Variants in STARD13 observed in about 807,000 individuals in gnomAD.
STARD13 encodes the protein stAR-related lipid transfer protein 13.
A neutral mutation model predicts 106.4 loss-of-function variants in STARD13; 62 were observed. That is an observed-to-expected ratio of 0.58 (90% confidence interval 0.48 to 0.72). The LOEUF (loss-of-function observed/expected upper bound fraction) is 0.72, where lower values mean the gene tolerates loss of function less well. STARD13 is among the 30% of genes least tolerant of loss of function. STARD13 has a pLI of 0.00. For missense variants in STARD13, 1,387 were observed against 1,424.0 expected, an observed-to-expected ratio of 0.97 and a Z score of 0.42; for synonymous variants, 565 against 553.0, an observed-to-expected ratio of 1.02 and a Z score of -0.31.
chr13:33,358,526 A>G, the STARD13 span, among the ~76,000 whole-genome samples: 1 of 152,004 alleles, frequency 6.6e-6, no homozygotes, highest in African/African-American at 2.4e-5. Flanking sequence ...GTTTAGCTCA[A>G]GGTTTGTGAG....
At chr13:33,411,489 C>T in the STARD13 span, among the ~76,000 whole-genome samples, 1 of 151,950 alleles carries the variant, frequency 6.6e-6, no homozygotes, top group Non-Finnish European at 1.5e-5. Context: ...TCCAGGCAGG[C>T]TGCTCTGTGG....
At chr13:33,478,566 A>G in the STARD13 span, among the ~76,000 whole-genome samples, 5 of 152,098 alleles carry the variant, frequency 3.3e-5, no homozygotes, top group East Asian at 5.8e-4. Flanking sequence ...AATGTGTCCA[A>G]TGTTATCTAA....
the STARD13 span, among the ~76,000 whole-genome samples, chr13:33,600,919 T>A: frequency 6.6e-6 from 1 of 152,310 alleles, no homozygotes; most frequent in South Asian, 2.1e-4. Flanking sequence ...TTCTCCTACG[T>A]ACTATGGTAT....
At chr13:33,620,286 C>CT in the STARD13 span, among the ~76,000 whole-genome samples, 10,798 of 142,710 alleles carry the variant, frequency 0.076, 530 homozygotes, top group African/African-American at 0.14. Context: ...TTTCTTTTTT[C>CT]TTTTTTTTTT....
chr13:33,289,755 G>A (rs1412933330), upstream of STARD13, among the ~76,000 whole-genome samples: 1 of 152,128 alleles, frequency 6.6e-6, no homozygotes, highest in Non-Finnish European at 1.5e-5. Flanking sequence ...GTGTCTTCAA[G>A]TAAGAAGTAC....
At chr13:33,557,609 C>T in the STARD13 span, among the ~76,000 whole-genome samples, 1 of 152,122 alleles carries the variant, frequency 6.6e-6, no homozygotes, top group African/African-American at 2.4e-5. Context: ...AGTACTATCA[C>T]TGTATGTGTT....
chr13:33,106,831 C>G lies in STARD13; in HGVS notation c.3151G>C (p.Asp1051His). The change falls in exon 13 of 14, where the codon GAC becomes CAC. Residue 1051 changes from aspartate to histidine, a missense_variant. Asp to His is a moderately conservative substitution (Grantham distance 81, BLOSUM62 -1). Coordinates refer to ENST00000336934, the MANE Select transcript of STARD13 (RefSeq NM_178006.4). ...LLGGVRAVVMDSQYLIEPCGS... is the reference protein window; with the variant it reads ...LLGGVRAVVMHSQYLIEPCGS... ...CACGGTTCTATCAAGTACTGCGAGT[C>G]CATCACCACTGCTCGCACACCACCC... 1 of 1,614,160 alleles carries G rather than the reference C, an allele frequency of 6.2e-7. No homozygotes were observed. The highest frequency in any genetic ancestry group is 8.5e-7 in the Non-Finnish European group (1 of 1,180,006).
chr13:33,526,742 A>T, the STARD13 span, among the ~76,000 whole-genome samples: 1 of 152,078 alleles, frequency 6.6e-6, no homozygotes, highest in Non-Finnish European at 1.5e-5. Context: ...AGGAGTTTAT[A>T]AGGGTAAAGC....
At chr13:33,542,664 G>A in the STARD13 span, among the ~76,000 whole-genome samples, 1 of 152,210 alleles carries the variant, frequency 6.6e-6, no homozygotes, top group Non-Finnish European at 1.5e-5. Flanking sequence ...GTTCGGTTCC[G>A]GTTCTGGCCC....
At chr13:33,560,414 G>A in the STARD13 span, among the ~76,000 whole-genome samples, 1 of 151,396 alleles carries the variant, frequency 6.6e-6, no homozygotes, top group Non-Finnish European at 1.5e-5. Flanking sequence ...AAAAGGATTA[G>A]TCTTCAAAAT....
At chr13:33,341,505 G>A (rs2077959980) in intron 1 of STARD13, among the ~76,000 whole-genome samples, 1 of 151,626 alleles carries the variant, frequency 6.6e-6, no homozygotes, top group South Asian at 2.1e-4. Flanking sequence ...CGGGTGTGGT[G>A]GCTTCAACTC....
the STARD13 span, among the ~76,000 whole-genome samples, chr13:33,635,095 T>G: frequency 4.9e-4 from 74 of 152,336 alleles, no homozygotes; most frequent in Middle Eastern, 3.4e-3. Flanking sequence ...ATGGATCGCT[T>G]ACGAAGTAAA....
the STARD13 span, among the ~76,000 whole-genome samples, chr13:33,647,145 T>A: frequency 5.3e-5 from 8 of 152,224 alleles, no homozygotes; most frequent in Admixed American, 3.3e-4. Flanking sequence ...ATGTCTACAG[T>A]TTAAAAGGGC....
the STARD13 span, among the ~76,000 whole-genome samples, chr13:33,671,832 C>A: frequency 6.6e-6 from 1 of 152,084 alleles, no homozygotes; most frequent in Admixed American, 6.6e-5. Flanking sequence ...CAATTATAGT[C>A]ACAATTATAG....
chr13:33,126,413 C>T (rs1877180845), intron 6 of STARD13, among the ~76,000 whole-genome samples, 173 bp from the exon 7 acceptor site: 1 of 152,200 alleles, frequency 6.6e-6, no homozygotes, highest in Non-Finnish European at 1.5e-5. Flanking sequence ...CTGTGTGGCC[C>T]TTGCCTGCTT....
the STARD13 span, among the ~76,000 whole-genome samples, chr13:33,422,300 T>A: frequency 6.6e-6 from 1 of 152,034 alleles, no homozygotes; most frequent in Non-Finnish European, 1.5e-5. Context: ...TATACATCAA[T>A]AACAGACAAA....
the STARD13 span, among the ~76,000 whole-genome samples, chr13:33,665,851 G>A: frequency 1.7e-4 from 26 of 152,200 alleles, no homozygotes; most frequent in East Asian, 2.5e-3. Flanking sequence ...GGGTCTCCTC[G>A]GTGCCATAAC....
chr13:33,484,466 T>C, the STARD13 span, among the ~76,000 whole-genome samples: 1 of 152,202 alleles, frequency 6.6e-6, no homozygotes, highest in South Asian at 2.1e-4. Flanking sequence ...TGAATACACC[T>C]GGACATGTGA....
At chr13:33,403,248 C>T in the STARD13 span, among the ~76,000 whole-genome samples, 288 of 152,318 alleles carry the variant, frequency 1.9e-3, no homozygotes, top group Middle Eastern at 6.8e-3. Flanking sequence ...GCACATCCTG[C>T]AAGGGGGATC....
Sources: allele counts gnomAD v4.1 joint callset (sites outside exome capture counted in the v4.1 genomes callset), GRCh38; gene constraint gnomAD v4.1.1; transcripts MANE v1.5; gene names NCBI Gene and HGNC (gene_info 2026-07-23, HGNC 2026-07-21).